KIAA0586: variants seen among roughly 807,000 people sequenced by gnomAD.
KIAA0586 encodes KIAA0586.
Under a neutral mutation model 169.8 loss-of-function variants are expected in KIAA0586, and 144 were observed. That is an observed-to-expected ratio of 0.85 (90% CI 0.74 to 0.97). The LOEUF (loss-of-function observed/expected upper bound fraction) is 0.97, where lower values mean the gene tolerates loss of function less well. Ranked by LOEUF, KIAA0586 falls within the 50% of genes least tolerant of loss-of-function variation. The probability of loss-of-function intolerance (pLI) is 0.00; values close to 1 mark genes in which losing one functional copy is unlikely to be tolerated. For missense variants in KIAA0586, 1,854 were observed against 1,823.0 expected, an observed-to-expected ratio of 1.02 and a Z score of -0.31; for synonymous variants, 625 against 612.4, an observed-to-expected ratio of 1.02 and a Z score of -0.30.
At chr14:58,545,880 A>G (rs879820136) in intron 30 of KIAA0586, among the ~76,000 whole-genome samples, 1 of 151,688 alleles carries the variant, frequency 6.6e-6, no homozygotes, top group Admixed American at 6.6e-5. Context: ...AAAAATTTTT[A>G]AAAATTAGCC....
At chr14:58,490,736 A>G (rs906066338) in intron 25 of KIAA0586, among the ~76,000 whole-genome samples, 1 of 152,120 alleles carries the variant, frequency 6.6e-6, no homozygotes, top group Non-Finnish European at 1.5e-5. Context: ...ATTTAAAAAT[A>G]TCACATTATA....
chr14:58,532,643 A>T lies in KIAA0586; in HGVS notation c.4430-7428A>T, dbSNP rs376504216. ...AATATTTTTAAATATGTGCATGACA[A>T]ATGCTGTGTAATACACCTCATTATT... On this transcript the variant is annotated intron_variant, in intron 29 of 30. Coordinates refer to ENST00000652326, the MANE Select transcript of KIAA0586 (RefSeq NM_001329943.3). Among the ~76,000 whole-genome samples the T allele has an allele frequency of 2.6e-5, 4 of 152,264 alleles. 1 individual carries two copies.
At chr14:58,518,562 A>G (rs149909920) in intron 29 of KIAA0586, among the ~76,000 whole-genome samples, 9 of 152,360 alleles carry the variant, frequency 5.9e-5, no homozygotes, top group Admixed American at 5.9e-4. Context: ...GGCACATCCA[A>G]TATAATGTGT....
intron 29 of KIAA0586, among the ~76,000 whole-genome samples, chr14:58,538,618 T>G (rs1449121177): frequency 6.6e-6 from 1 of 152,058 alleles, no homozygotes; most frequent in African/African-American, 2.4e-5. Context: ...TTAAATTATT[T>G]TTTACTATAG....
chr14:58,478,451 C>T (rs1188043450), intron 20 of KIAA0586, among the ~76,000 whole-genome samples: 1 of 152,200 alleles, frequency 6.6e-6, no homozygotes, highest in Admixed American at 6.5e-5. Context: ...TCACTGCACT[C>T]CAGCCTGGGC....
At chr14:58,459,794 A>G (rs200485943) in intron 12 of KIAA0586, 49 bp from the exon 13 acceptor site, 2 of 1,031,240 alleles carry the variant, frequency 1.9e-6, no homozygotes, top group Non-Finnish European at 2.8e-6. Flanking sequence ...ATGTGAAAGC[A>G]TTACTATTTG....
chr14:58,486,887 G>A (rs2042483600), intron 21 of KIAA0586, 120 bp from the exon 22 acceptor site: 3 of 668,818 alleles, frequency 4.5e-6, no homozygotes, highest in South Asian at 3.5e-5. Context: ...CAAGAGGTAG[G>A]GTACTTAACC....
chr14:58,492,339 T>C, intron 26 of KIAA0586, 64 bp downstream of exon 26: 1 of 1,415,580 alleles, frequency 7.1e-7, no homozygotes, highest in Non-Finnish European at 9.5e-7. Context: ...ATTAAAATAT[T>C]CTTACTACTA....
chr14:58,474,423 G>T (rs1490538088), intron 18 of KIAA0586, among the ~76,000 whole-genome samples, 184 bp from the exon 19 acceptor site: 1 of 152,134 alleles, frequency 6.6e-6, no homozygotes, highest in African/African-American at 2.4e-5. Flanking sequence ...GTAATTAAGG[G>T]TTCCTCAATA....
chr14:58,531,374 A>G (rs961055034), intron 29 of KIAA0586, among the ~76,000 whole-genome samples: 8 of 151,918 alleles, frequency 5.3e-5, no homozygotes, highest in African/African-American at 1.9e-4. Context: ...AAAATTGGGC[A>G]AAGGATATCA....
At chr14:58,538,493 G>A (rs1342931473) in intron 29 of KIAA0586, among the ~76,000 whole-genome samples, 1 of 151,968 alleles carries the variant, frequency 6.6e-6, no homozygotes, top group Non-Finnish European at 1.5e-5. Context: ...CGGGTTACAT[G>A]AGATATTTTG....
intron 29 of KIAA0586, among the ~76,000 whole-genome samples, chr14:58,524,353 T>G (rs1041338205): frequency 6.6e-6 from 1 of 152,228 alleles, no homozygotes; most frequent in African/African-American, 2.4e-5. Flanking sequence ...ACTACTAGAT[T>G]GTTAGTCTCT....
the KIAA0586 span, among the ~76,000 whole-genome samples, chr14:58,557,899 A>ATTTTTTTTTTTTTTT: frequency 1.1e-4 from 5 of 46,604 alleles, no homozygotes; most frequent in African/African-American, 4.9e-4. Context: ...ATCCTGAGAA[A>ATTTTTTTTTTTTTTT]TCTTTTTTTT....
chr14:58,557,708 T>C, the KIAA0586 span, among the ~76,000 whole-genome samples: 2 of 152,058 alleles, frequency 1.3e-5, no homozygotes, highest in Non-Finnish European at 2.9e-5. Context: ...GGTGTGAAGC[T>C]TCTCTCAGCC....
At chr14:58,553,326 G>A (rs1338138678), downstream of KIAA0586, among the ~76,000 whole-genome samples, 1 of 152,158 alleles carries the variant, frequency 6.6e-6, no homozygotes, top group Admixed American at 6.5e-5. Flanking sequence ...GCTAGAAATG[G>A]ATAACAGGTC....
chr14:58,474,259 C>T (rs2041441323), intron 18 of KIAA0586, among the ~76,000 whole-genome samples: 1 of 152,092 alleles, frequency 6.6e-6, no homozygotes, highest in Non-Finnish European at 1.5e-5. Context: ...AATATCCAAA[C>T]CATATCAGGA....
At chr14:58,470,780 C>A in intron 17 of KIAA0586, 57 bp downstream of exon 17, 2 of 788,488 alleles carry the variant, frequency 2.5e-6, no homozygotes, top group South Asian at 1.5e-5. Flanking sequence ...TAGATTTTAA[C>A]TAATTACTCC....
chr14:58,551,049 C>G lies in KIAA0586; in HGVS notation c.*3117C>G, dbSNP rs1282444178. 6.6e-6 allele frequency: 1 copy of G among 151,882 alleles called. No individual in the cohort carries two copies. The highest frequency in any genetic ancestry group is 2.1e-4 in the South Asian group (1 of 4,786). The allele number at this position is 151,882 out of a possible 1,614,324, so 9.4% of individuals were successfully genotyped here. A position where few individuals can be genotyped will look rare whatever the true frequency, so the allele number is the denominator to read the frequency against. On this transcript the variant is annotated 3_prime_UTR_variant, in exon 31 of 31. Transcript: ENST00000652326. Reference sequence around the variant, plus strand: ...ACTAAAAATACAAAAATTAGCCAGGCATGGTGGCGTGTGCCTGTAATCCCA... The same window carrying G: ...ACTAAAAATACAAAAATTAGCCAGGGATGGTGGCGTGTGCCTGTAATCCCA...
intron 2 of KIAA0586, 76 bp from the exon 3 acceptor site, chr14:58,430,572 T>G (rs568467552): frequency 1.2e-6 from 1 of 831,680 alleles, no homozygotes; most frequent in South Asian, 1.6e-5. Flanking sequence ...AGTAGTCACA[T>G]AGCTAGTAAA....
Sources: gnomAD v4.1 joint callset for allele counts (sites outside exome capture counted in the v4.1 genomes callset) on GRCh38, gnomAD v4.1.1 for gene constraint, MANE v1.5 for transcripts, NCBI Gene and HGNC (gene_info 2026-07-23, HGNC 2026-07-21) for gene names.